ZNF614: variants seen among roughly 807,000 people sequenced by gnomAD.
ZNF614 encodes zinc finger protein 614.
ZNF614 carries 11 observed loss-of-function variants against 12.8 expected under a neutral mutation model. The observed-to-expected ratio is 0.86, with a 90% confidence interval of 0.54 to 1.43. The LOEUF is 1.43. Among genes scored for constraint, ZNF614 ranks in the 40% most tolerant of loss-of-function variants. The probability of loss-of-function intolerance (pLI) is 0.00; values close to 1 mark genes in which losing one functional copy is unlikely to be tolerated. For missense variants in ZNF614, 664 were observed against 708.8 expected (o/e 0.94, Z 0.72); for synonymous variants, 237 against 237.5 (o/e 1.00, Z 0.02).
intron 2 of ZNF614, among the ~76,000 whole-genome samples, chr19:52,024,500 A>G (rs1171496367): frequency 6.6e-6 from 1 of 152,180 alleles, no homozygotes; most frequent in African/African-American, 2.4e-5. Context: ...AAAGAAAGAG[A>G]GATCAGACTG....
Position 52,025,948 on chromosome 19 carries a change from C to A in ZNF614, c.-203G>T, listed in dbSNP as rs534768986. The A allele has an allele frequency of 8.5e-4, 492 of 577,602 alleles. 1 individual carries two copies. Among genetic ancestry groups the A allele is most frequent in the Non-Finnish European group, 1.1e-3 (375 of 327,450 alleles). 35.8% of individuals were successfully genotyped at this position (577,602 alleles called of 1,614,324 possible). On this transcript the variant is annotated 5_prime_UTR_variant, in exon 2 of 5. Coordinates refer to ENST00000270649, the MANE Select transcript of ZNF614 (RefSeq NM_025040.4). ...ACTTGAGTTATTTTGCTTCTGGGAG[C>A]CAGGACCTGAGGACTGATAAACAAA...
At chr19:52,023,459 T>A (rs1236596268) in intron 2 of ZNF614, among the ~76,000 whole-genome samples, 1 of 152,130 alleles carries the variant, frequency 6.6e-6, no homozygotes, top group Non-Finnish European at 1.5e-5. Flanking sequence ...TCAAGAGTTT[T>A]TATAGAACTT....
At chr19:52,026,671 C>CT (rs1185469136) in intron 1 of ZNF614, among the ~76,000 whole-genome samples, 1 of 152,148 alleles carries the variant, frequency 6.6e-6, no homozygotes, top group Non-Finnish European at 1.5e-5. Context: ...AGGAAGGCCT[C>CT]TTTGCGGTTG....
rs1429750421 is a variant in ZNF614 at position 52,015,150 on chromosome 19, A to G, written c.*690T>C. 6.7e-6 allele frequency: 1 copy of G among 150,152 alleles called. No individual in the cohort carries two copies. The highest frequency in any genetic ancestry group is 1.5e-5 in the Non-Finnish European group (1 of 67,432). 9.3% of individuals were successfully genotyped at this position (150,152 alleles called of 1,614,324 possible). Reference sequence around the variant, plus strand: ...GTTTAAGGTTATACTTATTAAGAAAAAGCACTCAAATATTCATCATTTTCA... The same window carrying G: ...GTTTAAGGTTATACTTATTAAGAAAGAGCACTCAAATATTCATCATTTTCA... On this transcript the variant is annotated 3_prime_UTR_variant, in exon 5 of 5. Transcript: ENST00000270649.
intron 2 of ZNF614, among the ~76,000 whole-genome samples, chr19:52,024,416 G>A (rs766953792): frequency 6.6e-6 from 1 of 152,094 alleles, no homozygotes; most frequent in Non-Finnish European, 1.5e-5. Flanking sequence ...GTAAATTTTA[G>A]AATACCTAAT....
chr19:52,016,817 G>T lies in ZNF614; in HGVS notation c.781C>A (p.Pro261Thr), dbSNP rs769190042. 6.2e-7 allele frequency: 1 copy of T among 1,613,832 alleles called. No individual in the cohort carries two copies. Among genetic ancestry groups the T allele is most frequent in the Non-Finnish European group, 8.5e-7 (1 of 1,180,026 alleles). Reference sequence around the variant, plus strand: ...GTAGAGCCTTTTCTATATTCATTGGGTATACAGATTTTGTCTGTTGTATTA... The same window carrying T: ...GTAGAGCCTTTTCTATATTCATTGGTTATACAGATTTTGTCTGTTGTATTA... ...KTNTTDKICIPNEYRKGSTVK... is the reference protein window; with the variant it reads ...KTNTTDKICITNEYRKGSTVK... Residue 261 changes from proline to threonine, a missense_variant, in exon 5 of 5, where the codon CCC becomes ACC. Coordinates refer to ENST00000270649, the MANE Select transcript of ZNF614 (RefSeq NM_025040.4).
chr19:52,016,699 C>T lies in ZNF614; in HGVS notation c.899G>A (p.Arg300His), dbSNP rs201401335. 3.0e-5 allele frequency: 48 copies of T among 1,614,080 alleles called. 1 individual carries two copies. Among genetic ancestry groups the T allele is most frequent in the South Asian group, 5.5e-5 (5 of 91,086 alleles). ...AGTTCGCTGATGAGCAATTAGATAG[C>T]GCTTCATTGTAAAGCCCTTTCCACA... Reference protein sequence around the residue: ...SECGKGFTMKRYLIAHQRTHS... With the variant: ...SECGKGFTMKHYLIAHQRTHS... The change falls in exon 5 of 5, where the codon CGC becomes CAC. Residue 300 changes from arginine (R) to histidine (H), a missense_variant. Transcript: ENST00000270649.
At chr19:52,022,193 G>A (rs2086936511) in intron 2 of ZNF614, among the ~76,000 whole-genome samples, 1 of 152,218 alleles carries the variant, frequency 6.6e-6, no homozygotes, top group Admixed American at 6.5e-5. Context: ...ACATAAACTA[G>A]ATGTCCAACA....
intron 1 of ZNF614, among the ~76,000 whole-genome samples, chr19:52,026,513 C>T (rs577677271): frequency 3.3e-5 from 5 of 152,306 alleles, no homozygotes; most frequent in South Asian, 2.1e-4. Context: ...CGGAAGGCCG[C>T]GGGGACCTCT....
chr19:52,024,846 G>C (rs1197097473), intron 2 of ZNF614, among the ~76,000 whole-genome samples: 1 of 152,198 alleles, frequency 6.6e-6, no homozygotes, highest in Non-Finnish European at 1.5e-5. Context: ...GTGATAGCCT[G>C]AGATATGGCC....
At chr19:52,021,749 A>T (rs1325627808) in intron 2 of ZNF614, among the ~76,000 whole-genome samples, 1 of 151,940 alleles carries the variant, frequency 6.6e-6, no homozygotes, top group South Asian at 2.1e-4. Context: ...AAAAAAAAAA[A>T]AGGAATAAAT....
At chr19:52,022,092 G>A (rs2086935948) in intron 2 of ZNF614, among the ~76,000 whole-genome samples, 1 of 152,194 alleles carries the variant, frequency 6.6e-6, no homozygotes, top group South Asian at 2.1e-4. Context: ...TACACAATTT[G>A]ATAACATAGT....
chr19:52,017,824 A>G, intron 4 of ZNF614, 184 bp downstream of exon 4: 3 of 493,582 alleles, frequency 6.1e-6, no homozygotes, highest in Non-Finnish European at 1.1e-5. Context: ...TATCCAAGAA[A>G]TCAGATCCAA....
intron 1 of ZNF614, among the ~76,000 whole-genome samples, chr19:52,026,636 C>T (rs2086975843): frequency 6.6e-6 from 1 of 152,154 alleles, no homozygotes. Context: ...TGTAAAGGGT[C>T]TCTGCTGAGG....
intron 2 of ZNF614, among the ~76,000 whole-genome samples, chr19:52,024,598 A>C (rs1184690849): frequency 6.6e-6 from 1 of 152,146 alleles, no homozygotes; most frequent in Non-Finnish European, 1.5e-5. Flanking sequence ...AGATGCTGTT[A>C]ATCTGTAACC....
At chr19:52,021,385 G>C (rs941817379) in intron 2 of ZNF614, among the ~76,000 whole-genome samples, 6 of 151,550 alleles carry the variant, frequency 4.0e-5, no homozygotes, top group Non-Finnish European at 2.9e-5. Context: ...TTTAAGTGTT[G>C]TTTCAAGTCA....
chr19:52,017,100 T>C lies in ZNF614; in HGVS notation c.498A>G (p.Leu166=). The C allele has an allele frequency of 1.2e-6, 2 of 1,614,226 alleles. No homozygotes were observed. Among genetic ancestry groups the C allele is most frequent in the Non-Finnish European group, 8.5e-7 (1 of 1,180,038 alleles). ...VEFIGGEKTL[L]HGKHERTHTK... The stretch of plus-strand genomic sequence containing the variant: ...TATGCGTACGTTCATGCTTACCATG[T>C]AGAAGTGTTTTCTCACCTCCAATAA... The change falls in exon 5 of 5, where the codon CTA becomes CTG. Residue 166 remains leucine (L), a synonymous_variant. Transcript: ENST00000270649.
Position 52,016,617 on chromosome 19 carries a change from C to T in ZNF614, c.981G>A (p.Lys327=). 1 of 1,614,210 alleles carries T rather than the reference C, an allele frequency of 6.2e-7. No homozygotes were observed. The highest frequency in any genetic ancestry group is 8.5e-7 in the Non-Finnish European group (1 of 1,180,038). ...TTCGCTGATGTACAATGAGATTGCT[C>T]TTCACAGTGAAACCTTTTCCACATT... is the stretch of plus-strand genomic sequence containing the variant. The part of the protein sequence containing the change: ...CKECGKGFTV[K]SNLIVHQRTH... The change falls in exon 5 of 5, where the codon AAG becomes AAA. Residue 327 remains lysine (K), a synonymous_variant. Coordinates refer to ENST00000270649, the MANE Select transcript of ZNF614 (RefSeq NM_025040.4).
At chr19:52,017,693 T>C in intron 4 of ZNF614, 1 of 318,580 alleles carries the variant, frequency 3.1e-6, no homozygotes, top group East Asian at 6.0e-5. Context: ...AGAGCGAGAC[T>C]CAGTCTAAAA....
Sources: allele counts gnomAD v4.1 joint callset (sites outside exome capture counted in the v4.1 genomes callset), GRCh38; gene constraint gnomAD v4.1.1; transcripts MANE v1.5; gene names NCBI Gene and HGNC (gene_info 2026-07-23, HGNC 2026-07-21).